Variants in PDLIM5 observed in about 807,000 individuals in gnomAD.
PDLIM5 encodes PDZ and LIM domain 5.
PDLIM5 carries 34 observed loss-of-function variants against 64.2 expected under a neutral mutation model. The ratio of observed to expected loss-of-function variants is 0.53; its 90% CI spans 0.40 to 0.71. The LOEUF is 0.71. PDLIM5 is among the 30% of genes least tolerant of loss of function. The pLI is 0.00. For missense variants in PDLIM5, 683 were observed against 733.6 expected, an observed-to-expected ratio of 0.93 and a Z score of 0.80; for synonymous variants, 253 against 269.1, an observed-to-expected ratio of 0.94 and a Z score of 0.59.
At chr4:94,534,938 C>T (rs1475204245) in intron 3 of PDLIM5, among the ~76,000 whole-genome samples, 3 of 152,098 alleles carry the variant, frequency 2.0e-5, no homozygotes, top group Non-Finnish European at 2.9e-5. Flanking sequence ...GACAAATCCC[C>T]AAGCAAATGT....
At chr4:94,578,743 G>T (rs545508971) in intron 5 of PDLIM5, among the ~76,000 whole-genome samples, 1 of 152,142 alleles carries the variant, frequency 6.6e-6, no homozygotes, top group East Asian at 1.9e-4. Context: ...ATATTTCCCA[G>T]ATTTTTATAA....
chr4:94,609,742 AGGTAAAGCTCATT>A (rs1354325200), intron 7 of PDLIM5, among the ~76,000 whole-genome samples: 2 of 152,146 alleles, frequency 1.3e-5, no homozygotes, highest in African/African-American at 4.8e-5. Context: ...ATCGTCTCTA[AGGTAAAGCTCATT>A]GTATAGAGAC....
intron 3 of PDLIM5, among the ~76,000 whole-genome samples, chr4:94,530,335 T>C (rs940434787): frequency 1.3e-5 from 2 of 152,086 alleles, no homozygotes; most frequent in African/African-American, 4.8e-5. Context: ...ACTTTCTTCA[T>C]TGGAGTTATC....
chr4:94,638,803 A>T (rs1375398533), intron 8 of PDLIM5, among the ~76,000 whole-genome samples: 2 of 152,090 alleles, frequency 1.3e-5, no homozygotes, highest in Non-Finnish European at 1.5e-5. Context: ...TCATTCATTC[A>T]CTTTTGTATT....
At chr4:94,567,225 C>A (rs1734419492) in intron 3 of PDLIM5, among the ~76,000 whole-genome samples, 1 of 152,186 alleles carries the variant, frequency 6.6e-6, no homozygotes, top group Non-Finnish European at 1.5e-5. Context: ...GATCTCCTGA[C>A]CTCGTGATCT....
intron 3 of PDLIM5, among the ~76,000 whole-genome samples, chr4:94,547,206 C>A (rs1487172444): frequency 6.6e-6 from 1 of 152,132 alleles, no homozygotes; most frequent in African/African-American, 2.4e-5. Context: ...ACTGCACCCC[C>A]AACCCCCCAA....
intron 5 of PDLIM5, among the ~76,000 whole-genome samples, chr4:94,577,645 G>A (rs1735409400): frequency 7.0e-6 from 1 of 142,804 alleles, no homozygotes; most frequent in South Asian, 2.2e-4. Context: ...AGTAATCAGA[G>A]TAGATATCCT....
intron 3 of PDLIM5, among the ~76,000 whole-genome samples, chr4:94,543,714 C>T (rs1018636100): frequency 1.3e-5 from 2 of 151,624 alleles, no homozygotes; most frequent in African/African-American, 4.8e-5. Flanking sequence ...TAATGTCCTC[C>T]AGGTTCATAC....
intron 3 of PDLIM5, among the ~76,000 whole-genome samples, chr4:94,524,389 A>C (rs1279160042): frequency 6.6e-6 from 1 of 151,028 alleles, no homozygotes; most frequent in Non-Finnish European, 1.5e-5. Context: ...AAAAAAAAAA[A>C]AAAAATTGTG....
chr4:94,585,381 T>C (rs571943437), intron 5 of PDLIM5, among the ~76,000 whole-genome samples, 184 bp from the exon 6 acceptor site: 141 of 152,244 alleles, frequency 9.3e-4, no homozygotes, highest in African/African-American at 2.8e-3. Flanking sequence ...TGAGCCACCG[T>C]GCCCCGCCTA....
At chr4:94,622,092 C>G (rs1239706751) in intron 8 of PDLIM5, among the ~76,000 whole-genome samples, 1 of 152,036 alleles carries the variant, frequency 6.6e-6, no homozygotes, top group Non-Finnish European at 1.5e-5. Context: ...AAACAAAATT[C>G]CCAGCCACTC....
At chr4:94,458,288 C>A (rs558020459) in intron 2 of PDLIM5, among the ~76,000 whole-genome samples, 1 of 152,086 alleles carries the variant, frequency 6.6e-6, no homozygotes, top group South Asian at 2.1e-4. Context: ...ACAATTAAAA[C>A]CTGAAAGCAT....
At chr4:94,584,906 C>A in intron 5 of PDLIM5, 1 of 911,584 alleles carries the variant, frequency 1.1e-6, no homozygotes, top group Non-Finnish European at 1.7e-6. Flanking sequence ...TAGTTGTTTT[C>A]TTTTTTTCTT....
intron 3 of PDLIM5, among the ~76,000 whole-genome samples, chr4:94,555,893 T>A (rs1733256750): frequency 6.6e-6 from 1 of 151,048 alleles, no homozygotes; most frequent in Admixed American, 6.6e-5. Context: ...TTATTTATTT[T>A]TATTTTTATT....
chr4:94,469,587 A>C (rs1724667708), intron 2 of PDLIM5, among the ~76,000 whole-genome samples: 1 of 151,954 alleles, frequency 6.6e-6, no homozygotes, highest in Non-Finnish European at 1.5e-5. Context: ...TGAGAGATAA[A>C]GAGGTTCCTG....
At chr4:94,526,698 G>A (rs564890496) in intron 3 of PDLIM5, among the ~76,000 whole-genome samples, 4 of 151,526 alleles carry the variant, frequency 2.6e-5, no homozygotes, top group African/African-American at 9.7e-5. Context: ...TTATATCAAA[G>A]TAAGTATGTT....
At chr4:94,455,151 T>C in intron 1 of PDLIM5, 96 bp from the exon 2 acceptor site, 1 of 586,398 alleles carries the variant, frequency 1.7e-6, no homozygotes, top group East Asian at 2.8e-5. Context: ...TTATCTTCTA[T>C]ATCCTCTCAC....
At chr4:94,472,514 G>T (rs112303990) in intron 2 of PDLIM5, among the ~76,000 whole-genome samples, 1,806 of 152,270 alleles carry the variant, frequency 0.012, 41 homozygotes, top group African/African-American at 0.041. Flanking sequence ...AGACAGAATA[G>T]GTAAGTGGAA....
At chr4:94,481,144 T>A (rs1179994249) in intron 2 of PDLIM5, among the ~76,000 whole-genome samples, 1 of 152,200 alleles carries the variant, frequency 6.6e-6, no homozygotes, top group Non-Finnish European at 1.5e-5. Flanking sequence ...AAAGATTAGG[T>A]AGTCATTTCC....
Sources: gnomAD v4.1 joint callset for allele counts (sites outside exome capture counted in the v4.1 genomes callset) on GRCh38, gnomAD v4.1.1 for gene constraint, MANE v1.5 for transcripts, NCBI Gene and HGNC (gene_info 2026-07-23, HGNC 2026-07-21) for gene names.